The following SMURF2 variants were observed in gnomAD, a reference collection of about 807,000 sequenced individuals.
SMURF2 encodes E3 ubiquitin-protein ligase SMURF2.
In SMURF2, 48 loss-of-function variants were observed where a neutral mutation model predicts 109.6. The ratio of observed to expected loss-of-function variants is 0.44; its 90% CI spans 0.35 to 0.56. The LOEUF is 0.56. Ranked by LOEUF, SMURF2 falls within the 20% of genes least tolerant of loss-of-function variation. SMURF2 has a pLI of 0.01. For synonymous variants in SMURF2, 288 were observed against 317.1 expected, an observed-to-expected ratio of 0.91 and a Z score of 0.97; for missense variants, 575 against 909.0, an observed-to-expected ratio of 0.63 and a Z score of 4.72.
intron 1 of SMURF2, among the ~76,000 whole-genome samples, chr17:64,648,913 C>T (rs1213457625): frequency 2.0e-5 from 3 of 151,936 alleles, no homozygotes; most frequent in African/African-American, 7.3e-5. Flanking sequence ...TACAAAATTC[C>T]CCAAGTTCAA....
intron 12 of SMURF2, among the ~76,000 whole-genome samples, chr17:64,560,210 C>A (rs554769209): frequency 6.6e-6 from 1 of 152,046 alleles, no homozygotes; most frequent in South Asian, 2.1e-4. Flanking sequence ...CAGAGTGAGA[C>A]CCCGTCTCTA....
At chr17:64,624,268 G>A (rs1207737741) in intron 1 of SMURF2, among the ~76,000 whole-genome samples, 3 of 151,484 alleles carry the variant, frequency 2.0e-5, no homozygotes, top group Non-Finnish European at 4.4e-5. Flanking sequence ...AGGCTGAGGC[G>A]GGAGGACTGC....
rs56131846 is a variant in SMURF2 at position 64,648,058 on chromosome 17, TAAAAAAAAAAAAAAAA to T, written c.52+13755_52+13770del. Reference sequence around the variant, plus strand: ...GGCAACACAGTGAGACCCTATCTCTTAAAAAAAAAAAAAAAAAAAAAAAAAAAAAAAAAACAGGATC... The same window carrying T: ...GGCAACACAGTGAGACCCTATCTCTTAAAAAAAAAAAAAAAAAACAGGATC... On this transcript the variant is annotated intron_variant, in intron 1 of 18. Coordinates refer to ENST00000262435, the MANE Select transcript of SMURF2 (RefSeq NM_022739.4). 3.4e-3 allele frequency among the ~76,000 whole-genome samples: 60 copies of T among 17,698 alleles called. 1 individual carries two copies. The South Asian group carries it at 0.063, about 19-fold the overall frequency. The allele number at this position is 17,698 out of a possible 152,430, so 11.6% of individuals were successfully genotyped here.
At chr17:64,557,313 T>A (rs919930025) in intron 13 of SMURF2, among the ~76,000 whole-genome samples, 6 of 152,204 alleles carry the variant, frequency 3.9e-5, no homozygotes, top group Admixed American at 3.9e-4. Flanking sequence ...CCAGAACCTA[T>A]GCCTTTAATC....
intron 3 of SMURF2, among the ~76,000 whole-genome samples, chr17:64,596,985 A>G (rs2144661248): frequency 6.6e-6 from 1 of 152,360 alleles, no homozygotes; most frequent in Non-Finnish European, 1.5e-5. Flanking sequence ...GGATATTTAC[A>G]TAATCATAAT....
intron 1 of SMURF2, among the ~76,000 whole-genome samples, chr17:64,629,092 A>C (rs1970304270): frequency 6.6e-6 from 1 of 152,290 alleles, no homozygotes; most frequent in Middle Eastern, 3.4e-3. Flanking sequence ...TTACATATCT[A>C]ATACTCCCAT....
chr17:64,576,000 T>A (rs532304148), intron 9 of SMURF2, among the ~76,000 whole-genome samples: 2 of 150,790 alleles, frequency 1.3e-5, no homozygotes, highest in East Asian at 4.0e-4. Context: ...AGCTCAGGAG[T>A]TTGAGACTAG....
intron 1 of SMURF2, among the ~76,000 whole-genome samples, chr17:64,646,781 T>C (rs1555693009): frequency 6.6e-6 from 1 of 152,224 alleles, no homozygotes; most frequent in African/African-American, 2.4e-5. Flanking sequence ...GAAAAGATGC[T>C]ACCCAGTCAT....
At chr17:64,613,183 A>G (rs1321084413) in intron 1 of SMURF2, among the ~76,000 whole-genome samples, 3 of 152,186 alleles carry the variant, frequency 2.0e-5, no homozygotes, top group Non-Finnish European at 4.4e-5. Flanking sequence ...GGGGACTAGA[A>G]CCACAGCCCA....
At chr17:64,579,498 T>C (rs1969550728) in intron 8 of SMURF2, among the ~76,000 whole-genome samples, 1 of 152,206 alleles carries the variant, frequency 6.6e-6, no homozygotes, top group African/African-American at 2.4e-5. Flanking sequence ...TCAGCCTTGG[T>C]ATCCACTTTA....
chr17:64,660,309 A>C (rs1194962844), intron 1 of SMURF2, among the ~76,000 whole-genome samples: 2 of 152,158 alleles, frequency 1.3e-5, no homozygotes, highest in Non-Finnish European at 2.9e-5. Flanking sequence ...TACAGACAGC[A>C]ACAGCAACAG....
chr17:64,566,004 G>C lies in SMURF2; in HGVS notation c.1017-3038C>G, dbSNP rs538869731. Among the ~76,000 whole-genome samples the C allele has an allele frequency of 3.3e-5, 5 of 151,764 alleles. No homozygotes were observed. The South Asian group carries it at 8.3e-4, about 25-fold the overall frequency. On this transcript the variant is annotated intron_variant, in intron 10 of 18. Coordinates refer to ENST00000262435, the MANE Select transcript of SMURF2 (RefSeq NM_022739.4). ...TTTTGCCAAAAAAATTTCCAAGAGA[G>C]AAAAACAATAAAAACCATAATAGAT...
intron 1 of SMURF2, among the ~76,000 whole-genome samples, chr17:64,648,994 A>C (rs1970598569): frequency 1.3e-5 from 2 of 152,186 alleles, no homozygotes; most frequent in South Asian, 4.1e-4. Context: ...TTACCAACCA[A>C]TCAGTGTTTT....
At position 64,561,652 on chromosome 17, in the gene SMURF2, C is replaced by T. The variant is rs782226445; in HGVS notation, c.1213-49G>A. Reference sequence around the variant, plus strand: ...CCTATTACTATTAGGTCCTTTTAGCCTATTACTTAATCTCTCCCTGCCAAT... The same window carrying T: ...CCTATTACTATTAGGTCCTTTTAGCTTATTACTTAATCTCTCCCTGCCAAT... On this transcript the variant is annotated intron_variant, in intron 11 of 18. Coordinates refer to ENST00000262435, the MANE Select transcript of SMURF2 (RefSeq NM_022739.4). The T allele has an allele frequency of 2.0e-5, 28 of 1,389,908 alleles. No individual in the cohort carries two copies. In the East Asian group the frequency reaches 5.7e-4, roughly 28 times the overall value. 86.1% of individuals were successfully genotyped at this position (1,389,908 alleles called of 1,614,324 possible). A position where few individuals can be genotyped will look rare whatever the true frequency, so the allele number is the denominator to read the frequency against.
At chr17:64,639,808 T>A (rs782237144) in intron 1 of SMURF2, among the ~76,000 whole-genome samples, 3 of 152,206 alleles carry the variant, frequency 2.0e-5, no homozygotes, top group Non-Finnish European at 4.4e-5. Context: ...AAGTACCCGT[T>A]ACTGTTTGGC....
At chr17:64,620,586 T>C (rs1043551566) in intron 1 of SMURF2, among the ~76,000 whole-genome samples, 1 of 152,200 alleles carries the variant, frequency 6.6e-6, no homozygotes, top group Non-Finnish European at 1.5e-5. Context: ...CTCAAAATCT[T>C]ATCCATTCAT....
rs1555683983 is a variant in SMURF2 at position 64,555,828 on chromosome 17, C to T, written c.1602G>A (p.Val534=). The T allele has an allele frequency of 6.2e-7, 1 of 1,609,192 alleles. No individual in the cohort carries two copies. Among genetic ancestry groups the T allele is most frequent in the South Asian group, 1.1e-5 (1 of 90,610 alleles). Residue 534 remains valine (V), a synonymous_variant, in exon 14 of 19, where the codon GTG becomes GTA. Transcript: ENST00000262435. ...GAAGACTCAATACATACAGTATCCA[C>T]ACTAAACTGTTGTGAAGATCCGGAT... ...LVDPDLHNSL[V]WILENDITGV... is the part of the protein sequence containing the mutation.
At chr17:64,629,653 C>A (rs1970311664) in intron 1 of SMURF2, among the ~76,000 whole-genome samples, 1 of 152,090 alleles carries the variant, frequency 6.6e-6, no homozygotes, top group African/African-American at 2.4e-5. Flanking sequence ...TTTTATAGAC[C>A]TAGAGGCAGA....
At chr17:64,630,375 G>A (rs1378260236) in intron 1 of SMURF2, among the ~76,000 whole-genome samples, 1 of 152,142 alleles carries the variant, frequency 6.6e-6, no homozygotes, top group Non-Finnish European at 1.5e-5. Flanking sequence ...GAGATTACCA[G>A]CTAACTGGGA....
Sources: gnomAD v4.1 joint callset for allele counts (sites outside exome capture counted in the v4.1 genomes callset) on GRCh38, gnomAD v4.1.1 for gene constraint, MANE v1.5 for transcripts, NCBI Gene and HGNC (gene_info 2026-07-23, HGNC 2026-07-21) for gene names.